TOX: variants seen among roughly 807,000 people sequenced by gnomAD.
TOX encodes thymocyte selection associated high mobility group box, also known as thymocyte selection-associated high mobility group box protein TOX.
A neutral mutation model predicts 53.7 loss-of-function variants in TOX; 11 were observed. The ratio of observed to expected loss-of-function variants is 0.20; its 90% CI spans 0.13 to 0.34. The LOEUF (loss-of-function observed/expected upper bound fraction) is 0.34, where lower values mean the gene tolerates loss of function less well. TOX is among the 10% of genes least tolerant of loss of function. The pLI is 1.00. For synonymous variants in TOX, 225 were observed against 245.3 expected (o/e 0.92, Z 0.77); for missense variants, 570 against 664.6 (o/e 0.86, Z 1.56).
Position 58,867,143 on chromosome 8 carries a change from T to A in TOX, c.412-15338A>T, listed in dbSNP as rs541314021. Among the ~76,000 whole-genome samples the A allele has an allele frequency of 2.8e-4, 42 of 152,306 alleles. No individual in the cohort carries two copies. The South Asian group carries it at 8.5e-3, about 31-fold the overall frequency. On this transcript the variant is annotated intron_variant, in intron 3 of 8. Transcript: ENST00000361421. ...GCTAATAGAATTTTCCAGGAACAGT[T>A]TATTTTTTGAAGACAAAAAACACTC...
intron 1 of TOX, among the ~76,000 whole-genome samples, chr8:59,108,064 G>A (rs1804944541): frequency 6.6e-6 from 1 of 152,076 alleles, no homozygotes; most frequent in Admixed American, 6.5e-5. Flanking sequence ...TTCATTTACT[G>A]ACCAATGTCA....
At chr8:59,002,558 T>C (rs1813712196) in intron 1 of TOX, among the ~76,000 whole-genome samples, 1 of 150,480 alleles carries the variant, frequency 6.6e-6, no homozygotes, top group Non-Finnish European at 1.5e-5. Flanking sequence ...GCCACTGCAC[T>C]CCAGCCTGGG....
intron 3 of TOX, among the ~76,000 whole-genome samples, chr8:58,904,996 G>A (rs769295056): frequency 2.5e-4 from 38 of 152,286 alleles, no homozygotes; most frequent in Non-Finnish European, 4.3e-4. Context: ...AGAGTGGTAC[G>A]ATCTTGGCTC....
intron 1 of TOX, among the ~76,000 whole-genome samples, chr8:59,006,508 TCTGTTTCAATC>T (rs1813794816): frequency 6.6e-6 from 1 of 152,180 alleles, no homozygotes; most frequent in South Asian, 2.1e-4. Flanking sequence ...ATGTTTCTGA[TCTGTTTCAATC>T]CTGTAATTCT....
At chr8:58,817,811 T>A (rs138542760) in intron 6 of TOX, among the ~76,000 whole-genome samples, 2,394 of 152,292 alleles carry the variant, frequency 0.016, 55 homozygotes, top group African/African-American at 0.054. Context: ...ATAATACAAG[T>A]CACTCACATT....
At chr8:58,969,994 C>A (rs1812974034) in intron 1 of TOX, among the ~76,000 whole-genome samples, 1 of 152,172 alleles carries the variant, frequency 6.6e-6, no homozygotes, top group Non-Finnish European at 1.5e-5. Context: ...CAGGCACAAA[C>A]CACCTAGTAT....
chr8:58,861,754 C>T (rs894445612), intron 3 of TOX, among the ~76,000 whole-genome samples: 14 of 152,174 alleles, frequency 9.2e-5, no homozygotes, highest in South Asian at 6.2e-4. Flanking sequence ...TGCTTCTTCA[C>T]ACCATATTTA....
chr8:59,080,685 A>G (rs1233811544), intron 1 of TOX, among the ~76,000 whole-genome samples: 1 of 152,090 alleles, frequency 6.6e-6, no homozygotes, highest in African/African-American at 2.4e-5. Flanking sequence ...TTGTCATGAC[A>G]GTGAGTTCTC....
intron 1 of TOX, among the ~76,000 whole-genome samples, chr8:59,108,110 A>G (rs1804945018): frequency 6.6e-6 from 1 of 152,222 alleles, no homozygotes; most frequent in East Asian, 1.9e-4. Flanking sequence ...TAAGCTCTAA[A>G]AAACATAAAA....
intron 1 of TOX, among the ~76,000 whole-genome samples, chr8:59,045,135 T>C (rs992568569): frequency 3.8e-4 from 58 of 152,246 alleles, no homozygotes; most frequent in African/African-American, 1.4e-3. Context: ...GACAATTTCA[T>C]TCTTTTTTTC....
intron 4 of TOX, among the ~76,000 whole-genome samples, chr8:58,843,860 G>C: frequency 6.6e-6 from 1 of 152,176 alleles, no homozygotes; most frequent in East Asian, 1.9e-4. Context: ...CATGATCATT[G>C]TTGTGTCCAA....
chr8:59,072,414 A>G (rs1481749303), intron 1 of TOX, among the ~76,000 whole-genome samples: 1 of 152,238 alleles, frequency 6.6e-6, no homozygotes, highest in Non-Finnish European at 1.5e-5. Context: ...CAATGATATC[A>G]TCATAACCAA....
At chr8:58,817,390 A>T (rs536852476) in intron 6 of TOX, among the ~76,000 whole-genome samples, 3 of 141,516 alleles carry the variant, frequency 2.1e-5, no homozygotes, top group African/African-American at 8.0e-5. Flanking sequence ...GCTTTTCATT[A>T]AAAAAAAAAA....
In TOX at chr8:59,019,066, C is replaced by T. The variant is rs148436195; in HGVS notation, c.103-59058G>A. On this transcript the variant is annotated intron_variant, in intron 1 of 8. Transcript: ENST00000361421. The stretch of plus-strand genomic sequence containing the variant: ...AAGATTTTGTATTGTTTGATAATCC[C>T]TATTTTATAAAATTTTTTTCATAGG... Among the ~76,000 whole-genome samples, 340 of 152,186 alleles carry T rather than the reference C, an allele frequency of 2.2e-3. 3 individuals are homozygous for T. The highest frequency in any genetic ancestry group is 7.8e-3 in the African/African-American group (324 of 41,514).
At chr8:59,116,006 A>T (rs1278720990) in intron 1 of TOX, among the ~76,000 whole-genome samples, 1 of 152,168 alleles carries the variant, frequency 6.6e-6, no homozygotes, top group Admixed American at 6.5e-5. Flanking sequence ...AGAGTAAAAC[A>T]ATCACATTTT....
At chr8:59,101,868 C>T (rs981248280) in intron 1 of TOX, among the ~76,000 whole-genome samples, 5 of 152,174 alleles carry the variant, frequency 3.3e-5, no homozygotes, top group African/African-American at 4.8e-5. Context: ...CTTCTATGCA[C>T]ACACCTAAAA....
intron 3 of TOX, among the ~76,000 whole-genome samples, chr8:58,914,547 G>T (rs189008191): frequency 1.1e-4 from 17 of 152,260 alleles, no homozygotes; most frequent in Admixed American, 9.2e-4. Flanking sequence ...CACAGCTAGG[G>T]GGTGGGGGAC....
At chr8:58,889,354 G>T (rs1039265867) in intron 3 of TOX, among the ~76,000 whole-genome samples, 2 of 151,676 alleles carry the variant, frequency 1.3e-5, no homozygotes, top group African/African-American at 2.4e-5. Context: ...TCATGAGAAA[G>T]AGCTCCAGGA....
At chr8:58,891,951 G>T (rs766011967) in intron 3 of TOX, among the ~76,000 whole-genome samples, 2 of 152,010 alleles carry the variant, frequency 1.3e-5, no homozygotes, top group East Asian at 3.9e-4. Flanking sequence ...CGCATCACCC[G>T]GTTTCTACTA....
Sources: gnomAD v4.1 joint callset for allele counts (sites outside exome capture counted in the v4.1 genomes callset) on GRCh38, gnomAD v4.1.1 for gene constraint, MANE v1.5 for transcripts, NCBI Gene and HGNC (gene_info 2026-07-23, HGNC 2026-07-21) for gene names.